SH2D4A: variants seen among roughly 807,000 people sequenced by gnomAD.
The protein encoded by SH2D4A is SH2 domain-containing protein 4A.
A neutral mutation model predicts 64.7 loss-of-function variants in SH2D4A; 70 were observed. That is an observed-to-expected ratio of 1.08 (90% CI 0.89 to 1.32). SH2D4A has a LOEUF of 1.32. Among genes scored for constraint, SH2D4A ranks in the 40% most tolerant of loss-of-function variants. The probability of loss-of-function intolerance (pLI) is 0.00; values close to 1 mark genes in which losing one functional copy is unlikely to be tolerated. For synonymous variants in SH2D4A, 268 were observed against 200.7 expected (o/e 1.34, Z -2.83); for missense variants, 706 against 540.1 (o/e 1.31, Z -3.04).
At chr8:19,372,227 G>A (rs2053114017) in intron 7 of SH2D4A, among the ~76,000 whole-genome samples, 1 of 152,090 alleles carries the variant, frequency 6.6e-6, no homozygotes, top group Admixed American at 6.6e-5. Flanking sequence ...TGTTTCCTGA[G>A]CCTGTGACCA....
At chr8:19,330,516 T>C (rs530426248) in intron 2 of SH2D4A, among the ~76,000 whole-genome samples, 1 of 152,284 alleles carries the variant, frequency 6.6e-6, no homozygotes, top group East Asian at 1.9e-4. Flanking sequence ...ACTCTGCTCC[T>C]CTCCTTTGCT....
At chr8:19,392,089 G>T (rs1306089812) in intron 8 of SH2D4A, among the ~76,000 whole-genome samples, 1 of 152,172 alleles carries the variant, frequency 6.6e-6, no homozygotes, top group African/African-American at 2.4e-5. Flanking sequence ...ATTATGATGG[G>T]AATAAAAAAT....
intron 4 of SH2D4A, among the ~76,000 whole-genome samples, chr8:19,351,190 GT>G (rs1395235159): frequency 3.3e-5 from 5 of 152,260 alleles, no homozygotes; most frequent in African/African-American, 1.2e-4. Context: ...CTGCCTTTTT[GT>G]TTAAAATTGC....
At position 19,376,709 on chromosome 8, in the gene SH2D4A, G is replaced by A. The variant is rs147855312; in HGVS notation, c.1048+3049G>A. Reference sequence around the variant, plus strand: ...AGAATAACTTTTGACCAAATATCTGGGACCATGGCCCAGTCAAGTTGACCC... The same window carrying A: ...AGAATAACTTTTGACCAAATATCTGAGACCATGGCCCAGTCAAGTTGACCC... On this transcript the variant is annotated intron_variant, in intron 8 of 9. Coordinates refer to ENST00000265807, the MANE Select transcript of SH2D4A (RefSeq NM_022071.4). 1.4e-3 allele frequency among the ~76,000 whole-genome samples: 211 copies of A among 152,086 alleles called. 1 individual carries two copies. The highest frequency in any genetic ancestry group is 4.1e-3 in the African/African-American group (171 of 41,514).
rs1455670732 is a variant in SH2D4A at position 19,393,332 on chromosome 8, A to T, written c.1063A>T (p.Lys355Ter). 1 of 1,614,054 alleles carries T rather than the reference A, an allele frequency of 6.2e-7. No homozygotes were observed. Among genetic ancestry groups the T allele is most frequent in the African/African-American group, 1.3e-5 (1 of 74,924 alleles). The change falls in exon 9 of 10, where the codon AAG (lysine) becomes TAG (stop). Residue 355 changes from lysine to a stop codon, truncating the protein, a stop_gained. Coordinates refer to ENST00000265807, the MANE Select transcript of SH2D4A (RefSeq NM_022071.4). LOFTEE classifies it high-confidence loss of function. The stretch of plus-strand genomic sequence containing the variant: ...CTTTGCCACAGGAATTCTCACACTC[A>T]AGAAAGCAAATGAACTTCTTCTGAG... ...APWFHGILTLKKANELLLSTG... is the reference protein window; with the variant it reads ...APWFHGILTL
rs573153410 is a variant in SH2D4A, at chr8:19,381,060, T to A, written c.1048+7400T>A. Among the ~76,000 whole-genome samples, 77 of 152,040 alleles carry A rather than the reference T, an allele frequency of 5.1e-4. No individual in the cohort carries two copies. The South Asian group carries it at 0.014, about 27-fold the overall frequency. The stretch of plus-strand genomic sequence containing the variant: ...AATGTTTTGTAGTTTTTTTTTTTTT[T>A]AGACGGAGTCTTGCTCTGTTGCCTA... On this transcript the variant is annotated intron_variant, in intron 8 of 9. Coordinates refer to ENST00000265807, the MANE Select transcript of SH2D4A (RefSeq NM_022071.4).
chr8:19,335,271 G>A (rs566128117), intron 4 of SH2D4A, among the ~76,000 whole-genome samples: 1 of 152,036 alleles, frequency 6.6e-6, no homozygotes, highest in South Asian at 2.1e-4. Flanking sequence ...ACTCCAGCCT[G>A]GGCGACAGAG....
intron 8 of SH2D4A, among the ~76,000 whole-genome samples, chr8:19,382,100 T>A (rs1035203595): frequency 2.0e-5 from 3 of 152,188 alleles, no homozygotes; most frequent in Admixed American, 6.5e-5. Context: ...GAGTTACTTG[T>A]TTCTTTATTT....
intron 7 of SH2D4A, among the ~76,000 whole-genome samples, chr8:19,369,583 T>G (rs1028439800): frequency 6.6e-6 from 1 of 152,084 alleles, no homozygotes; most frequent in East Asian, 1.9e-4. Flanking sequence ...GTCCAGGAAT[T>G]TATTGATTTA....
At chr8:19,365,939 T>TC (rs5889868) in intron 7 of SH2D4A, among the ~76,000 whole-genome samples, 15,293 of 152,070 alleles carry the variant, frequency 0.1, 2,391 homozygotes, top group African/African-American at 0.34. Context: ...CCCAGGGAAG[T>TC]AAATATTATA....
At chr8:19,336,460 C>A (rs1185501610) in intron 4 of SH2D4A, among the ~76,000 whole-genome samples, 1 of 152,146 alleles carries the variant, frequency 6.6e-6, no homozygotes, top group Non-Finnish European at 1.5e-5. Flanking sequence ...GTGCTTTGCA[C>A]TCAGCATGTG....
chr8:19,380,038 C>CT (rs944814585), intron 8 of SH2D4A, among the ~76,000 whole-genome samples: 83 of 152,174 alleles, frequency 5.5e-4, no homozygotes, highest in African/African-American at 2.0e-3. Flanking sequence ...GCCTGTTATC[C>CT]TTTTTTTCTC....
At chr8:19,373,444 GTATATATATATA>G in intron 7 of SH2D4A, 74 bp from the exon 8 acceptor site, 2 of 600,216 alleles carry the variant, frequency 3.3e-6, no homozygotes, top group Non-Finnish European at 5.0e-6. Context: ...ATGTGTGTGT[GTATATATATATA>G]TATATATATG....
intron 2 of SH2D4A, among the ~76,000 whole-genome samples, chr8:19,324,713 G>A (rs1284863444): frequency 6.6e-6 from 1 of 152,104 alleles, no homozygotes; most frequent in Non-Finnish European, 1.5e-5. Flanking sequence ...GTGGTTTGTG[G>A]TTTTGAGATG....
intron 8 of SH2D4A, among the ~76,000 whole-genome samples, chr8:19,390,360 G>A (rs926485653): frequency 2.0e-5 from 3 of 152,140 alleles, no homozygotes; most frequent in Non-Finnish European, 2.9e-5. Context: ...CAGCTTGAGT[G>A]ACTGTTTAAA....
At chr8:19,321,434 G>C (rs1340077781) in intron 2 of SH2D4A, among the ~76,000 whole-genome samples, 1 of 152,078 alleles carries the variant, frequency 6.6e-6, no homozygotes, top group Admixed American at 6.5e-5. Flanking sequence ...GGCTGGTCTT[G>C]AACCCCAGAC....
At chr8:19,374,009 C>G (rs1186117262) in intron 8 of SH2D4A, among the ~76,000 whole-genome samples, 1 of 152,210 alleles carries the variant, frequency 6.6e-6, no homozygotes, top group Non-Finnish European at 1.5e-5. Flanking sequence ...CCGAGGGACA[C>G]ACAGTCATGG....
At chr8:19,373,687 G>A in intron 8 of SH2D4A, 27 bp downstream of exon 8, 1 of 1,610,364 alleles carries the variant, frequency 6.2e-7, no homozygotes, top group South Asian at 1.1e-5. Flanking sequence ...CCTCAATGGT[G>A]TTTCGTCTTA....
rs540437338 is a variant in SH2D4A at position 19,317,557 on chromosome 8, G to C, written c.-204-1787G>C. Among the ~76,000 whole-genome samples, 89 of 152,284 alleles carry C rather than the reference G, an allele frequency of 5.8e-4. 1 individual carries two copies. Among genetic ancestry groups the C allele is most frequent in the Non-Finnish European group, 1.1e-3 (76 of 68,034 alleles). ...TGAACAGTCAGCGAATCTAAGAGCT[G>C]AGTATGCACACCACTCTGTGGTAGC... On this transcript the variant is annotated intron_variant, in intron 1 of 9. Coordinates refer to ENST00000265807, the MANE Select transcript of SH2D4A (RefSeq NM_022071.4).
Sources: gnomAD v4.1 joint callset for allele counts (sites outside exome capture counted in the v4.1 genomes callset) on GRCh38, gnomAD v4.1.1 for gene constraint, MANE v1.5 for transcripts, NCBI Gene and HGNC (gene_info 2026-07-23, HGNC 2026-07-21) for gene names.